THSD7B: variants seen among roughly 807,000 people sequenced by gnomAD.
THSD7B encodes thrombospondin type-1 domain-containing protein 7B.
THSD7B carries 138 observed loss-of-function variants against 213.6 expected under a neutral mutation model. The ratio of observed to expected loss-of-function variants is 0.65; its 90% confidence interval spans 0.56 to 0.74. The LOEUF (loss-of-function observed/expected upper bound fraction) is 0.74. THSD7B is among the 30% of genes least tolerant of loss of function. The pLI, the probability that THSD7B is intolerant of heterozygous loss-of-function variation, is 0.00. For synonymous variants in THSD7B, 742 were observed against 687.0 expected, an observed-to-expected ratio of 1.08 and a Z score of -1.25; for missense variants, 1,931 against 1,991.5, an observed-to-expected ratio of 0.97 and a Z score of 0.58.
intron 20 of THSD7B, among the ~76,000 whole-genome samples, chr2:137,630,017 A>C (rs375723591): frequency 2.8e-4 from 42 of 151,740 alleles, no homozygotes; most frequent in African/African-American, 9.2e-4. Flanking sequence ...TTCGCGATAC[A>C]GAATCTTGCT....
At chr2:137,305,136 G>T (rs1460682659) in intron 12 of THSD7B, among the ~76,000 whole-genome samples, 6 of 152,090 alleles carry the variant, frequency 3.9e-5, no homozygotes, top group Non-Finnish European at 7.3e-5. Context: ...ATTTTATTTT[G>T]CTCTGAAACT....
chr2:137,278,662 C>T (rs982326168), intron 12 of THSD7B, among the ~76,000 whole-genome samples: 3 of 151,972 alleles, frequency 2.0e-5, no homozygotes, highest in African/African-American at 7.2e-5. Flanking sequence ...TCACAGGCCT[C>T]GAGCTGTTCA....
chr2:137,140,725 T>C (rs1679563216), intron 5 of THSD7B, among the ~76,000 whole-genome samples: 1 of 152,194 alleles, frequency 6.6e-6, no homozygotes, highest in Admixed American at 6.5e-5. Flanking sequence ...TAAGAACTGT[T>C]TTCATTACTT....
chr2:137,558,917 A>G (rs1681044776), intron 15 of THSD7B, among the ~76,000 whole-genome samples: 1 of 152,166 alleles, frequency 6.6e-6, no homozygotes, highest in Non-Finnish European at 1.5e-5. Context: ...TTATACACCA[A>G]TAACAGACAA....
In THSD7B at chr2:137,208,451, G is replaced by A. The variant is rs114031956; in HGVS notation, c.1724-22593G>A. 3.4e-3 allele frequency among the ~76,000 whole-genome samples: 519 copies of A among 151,930 alleles called. 3 individuals carry two copies. Among genetic ancestry groups the A allele is most frequent in the African/African-American group, 0.011 (444 of 41,432 alleles). On this transcript the variant is annotated intron_variant, in intron 7 of 27. Coordinates refer to ENST00000409968, the MANE Select transcript of THSD7B (RefSeq NM_001316349.2). ...GTTAAGAATTCCTTTTTATTTTGTC[G>A]TGCTTTAAGGCCCAGGAAAGGCCTA... is the stretch of plus-strand genomic sequence containing the variant.
At chr2:137,650,264 G>A (rs12172904) in intron 21 of THSD7B, among the ~76,000 whole-genome samples, 7,359 of 152,002 alleles carry the variant, frequency 0.048, 329 homozygotes, top group East Asian at 0.21. Flanking sequence ...TTTCTTTAGC[G>A]TTTTATGCTT....
intron 21 of THSD7B, among the ~76,000 whole-genome samples, chr2:137,652,742 G>A (rs1284420482): frequency 1.3e-5 from 2 of 152,024 alleles, no homozygotes; most frequent in African/African-American, 4.8e-5. Context: ...TGGTTACCAC[G>A]AAGCTTACAA....
intron 17 of THSD7B, among the ~76,000 whole-genome samples, chr2:137,586,686 A>G (rs1681736771): frequency 6.6e-6 from 1 of 152,144 alleles, no homozygotes; most frequent in South Asian, 2.1e-4. Context: ...TGGCTTGTAG[A>G]GTTTCTGCAG....
At chr2:137,294,666 TTTA>T (rs1303165815) in intron 12 of THSD7B, among the ~76,000 whole-genome samples, 5 of 151,830 alleles carry the variant, frequency 3.3e-5, no homozygotes, top group African/African-American at 1.2e-4. Context: ...ATTATCCTAT[TTTA>T]TTGTTAGTTG....
chr2:137,380,439 A>C (rs557316986), intron 12 of THSD7B, among the ~76,000 whole-genome samples: 2 of 152,238 alleles, frequency 1.3e-5, no homozygotes, highest in South Asian at 4.2e-4. Flanking sequence ...CCTTCTCAAT[A>C]CTAGTATTCC....
At chr2:136,781,084 T>C (rs1330090684) in intron 1 of THSD7B, among the ~76,000 whole-genome samples, 2 of 152,320 alleles carry the variant, frequency 1.3e-5, no homozygotes, top group Non-Finnish European at 2.9e-5. Context: ...AATATGCCTG[T>C]GTAACAGGGT....
intron 27 of THSD7B, among the ~76,000 whole-genome samples, chr2:137,669,077 A>AT (rs55970203): frequency 0.055 from 8,428 of 152,046 alleles, 349 homozygotes; most frequent in Non-Finnish European, 0.087. Flanking sequence ...GTTTCAATGG[A>AT]TTTTTTTTAA....
chr2:137,552,921 C>G (rs1002590832), intron 15 of THSD7B, among the ~76,000 whole-genome samples: 32 of 152,078 alleles, frequency 2.1e-4, no homozygotes, highest in African/African-American at 7.7e-4. Context: ...AGCCTGGACA[C>G]CTATAGAATG....
chr2:137,010,885 A>T (rs1686218368), intron 2 of THSD7B, among the ~76,000 whole-genome samples: 1 of 152,194 alleles, frequency 6.6e-6, no homozygotes, highest in African/African-American at 2.4e-5. Flanking sequence ...GTGGTAAGTG[A>T]CTAAGTGCTA....
intron 1 of THSD7B, among the ~76,000 whole-genome samples, chr2:136,846,846 C>G (rs1573666705): frequency 6.6e-6 from 1 of 152,010 alleles, no homozygotes. Flanking sequence ...TCCTAGGACT[C>G]TATTGATATG....
intron 7 of THSD7B, among the ~76,000 whole-genome samples, chr2:137,185,943 T>C (rs1401161592): frequency 6.6e-6 from 1 of 152,174 alleles, no homozygotes; most frequent in East Asian, 1.9e-4. Context: ...CTGACTAAGA[T>C]GGTGTCTCAT....
intron 12 of THSD7B, among the ~76,000 whole-genome samples, chr2:137,343,785 G>A (rs1160441926): frequency 6.6e-6 from 1 of 151,840 alleles, no homozygotes; most frequent in South Asian, 2.1e-4. Flanking sequence ...ATGCTACAGT[G>A]TACAAATACC....
intron 15 of THSD7B, among the ~76,000 whole-genome samples, chr2:137,531,549 A>T (rs974938283): frequency 6.6e-6 from 1 of 151,872 alleles, no homozygotes; most frequent in African/African-American, 2.4e-5. Context: ...TTAAGCAGTA[A>T]AATTGCATGG....
chr2:137,421,039 C>A (rs1230163661), intron 14 of THSD7B, among the ~76,000 whole-genome samples: 1 of 6,122 alleles, frequency 1.6e-4, no homozygotes, highest in Non-Finnish European at 2.1e-3. Context: ...CTGCAGCAAA[C>A]CTTTTGACTC....
Sources: allele counts gnomAD v4.1 joint callset (sites outside exome capture counted in the v4.1 genomes callset), GRCh38; gene constraint gnomAD v4.1.1; transcripts MANE v1.5; gene names NCBI Gene and HGNC (gene_info 2026-07-23, HGNC 2026-07-21).